MCOLN2: variants seen among roughly 807,000 people sequenced by gnomAD.
The protein encoded by MCOLN2 is mucolipin-2.
MCOLN2 carries 57 observed loss-of-function variants against 67.5 expected under a neutral mutation model. The observed-to-expected ratio is 0.84, with a 90% confidence interval of 0.68 to 1.05. The LOEUF is 1.05. MCOLN2 is among the 50% of genes least tolerant of loss of function. The probability of loss-of-function intolerance (pLI) is 0.00; values close to 1 mark genes in which losing one functional copy is unlikely to be tolerated. For missense variants in MCOLN2, 620 were observed against 678.8 expected, an observed-to-expected ratio of 0.91 and a Z score of 0.96; for synonymous variants, 246 against 233.3, an observed-to-expected ratio of 1.05 and a Z score of -0.50.
At chr1:84,944,698 G>A (rs569429683) in intron 7 of MCOLN2, among the ~76,000 whole-genome samples, 101 of 152,226 alleles carry the variant, frequency 6.6e-4, no homozygotes, top group African/African-American at 2.1e-3. Context: ...AGGGGACTTC[G>A]GAGTCACAAA....
At chr1:84,944,186 T>G (rs1208055999) in intron 7 of MCOLN2, among the ~76,000 whole-genome samples, 1 of 152,124 alleles carries the variant, frequency 6.6e-6, no homozygotes, top group African/African-American at 2.4e-5. Flanking sequence ...AGGATTCTGT[T>G]TTTCTTTGAA....
In MCOLN2 at chr1:84,958,539, G is replaced by C. The variant is rs139659539; in HGVS notation, c.401C>G (p.Ala134Gly). The change falls in exon 3 of 14, where the codon GCT (alanine) becomes GGT (glycine). Residue 134 changes from alanine to glycine, a missense_variant. Physicochemically the swap from Ala to Gly is moderately conservative, Grantham distance 60. Coordinates refer to ENST00000370608, the MANE Select transcript of MCOLN2 (RefSeq NM_153259.4). ...CAACAAAACACTTGCCTGATTAATA[G>C]CAAAAAAGATGCTCTCATAGGCATC... The part of the protein sequence containing the change: ...QEDAYESIFF[A>G]INQYHQLKDI... 5 of 1,601,118 alleles carry C rather than the reference G, an allele frequency of 3.1e-6. No individual in the cohort carries two copies. The African/African-American group carries it at 6.7e-5, about 22-fold the overall frequency.
Position 84,997,092 on chromosome 1 carries a change from C to G in MCOLN2, c.-220G>C, listed in dbSNP as rs1651199264. 5 of 570,286 alleles carry G rather than the reference C, an allele frequency of 8.8e-6. No individual in the cohort carries two copies. Among genetic ancestry groups the G allele is most frequent in the South Asian group, 8.5e-5 (4 of 47,028 alleles). 35.3% of individuals were successfully genotyped at this position (570,286 alleles called of 1,614,324 possible). ...TGGAGTGCGGCGGGCAGTTCTCGGG[C>G]GGCTGAAAGGCGGCTCTGTGTGCAC... On this transcript the variant is annotated 5_prime_UTR_variant, in exon 1 of 14. Coordinates refer to ENST00000370608, the MANE Select transcript of MCOLN2 (RefSeq NM_153259.4).
intron 11 of MCOLN2, among the ~76,000 whole-genome samples, chr1:84,936,573 G>A (rs532205547): frequency 5.3e-5 from 8 of 152,294 alleles, no homozygotes; most frequent in Admixed American, 3.9e-4. Flanking sequence ...GGAGTATGAA[G>A]AGCAATATTA....
At chr1:84,961,565 T>C (rs1190747475) in intron 2 of MCOLN2, among the ~76,000 whole-genome samples, 1 of 152,128 alleles carries the variant, frequency 6.6e-6, no homozygotes, top group Non-Finnish European at 1.5e-5. Context: ...GGCCCAGCAT[T>C]GGGGAAGGTT....
intron 13 of MCOLN2, among the ~76,000 whole-genome samples, 200 bp downstream of exon 13, chr1:84,929,358 C>T (rs1289136445): frequency 6.6e-6 from 1 of 152,178 alleles, no homozygotes. Context: ...CCAATCACAT[C>T]GTGTAGCTTT....
intron 2 of MCOLN2, among the ~76,000 whole-genome samples, 193 bp from the exon 3 acceptor site, chr1:84,958,895 T>A (rs901339650): frequency 6.6e-6 from 1 of 152,264 alleles, no homozygotes; most frequent in Admixed American, 6.5e-5. Flanking sequence ...ACATCAGCAA[T>A]TCAAAGTAGC....
chr1:84,995,799 A>AT (rs142983024), intron 1 of MCOLN2, among the ~76,000 whole-genome samples: 5 of 146,186 alleles, frequency 3.4e-5, no homozygotes, highest in South Asian at 2.2e-4. Flanking sequence ...CTATTACTCT[A>AT]TTTTTTTAAA....
intron 6 of MCOLN2, among the ~76,000 whole-genome samples, chr1:84,948,583 A>G (rs74555611): frequency 0.042 from 6,450 of 152,292 alleles, 477 homozygotes; most frequent in African/African-American, 0.15. Flanking sequence ...CAAGTAGCAG[A>G]CCCCAAAGAA....
chr1:84,929,406 A>T, intron 13 of MCOLN2, 152 bp downstream of exon 13: 1 of 869,922 alleles, frequency 1.1e-6, no homozygotes, highest in Non-Finnish European at 1.7e-6. Flanking sequence ...ATTCATTTCT[A>T]AAGCCAATTT....
chr1:84,932,034 A>G (rs572281445), intron 11 of MCOLN2, among the ~76,000 whole-genome samples: 1 of 151,360 alleles, frequency 6.6e-6, no homozygotes, highest in South Asian at 2.1e-4. Flanking sequence ...TTTAAAACAC[A>G]CACACACACA....
At chr1:84,986,709 A>T (rs1650525087) in intron 1 of MCOLN2, among the ~76,000 whole-genome samples, 1 of 152,092 alleles carries the variant, frequency 6.6e-6, no homozygotes, top group African/African-American at 2.4e-5. Flanking sequence ...TCCCATCAAA[A>T]CGTGGGCTAA....
At chr1:84,968,269 A>G (rs1350551193) in intron 1 of MCOLN2, among the ~76,000 whole-genome samples, 1 of 152,064 alleles carries the variant, frequency 6.6e-6, no homozygotes, top group Non-Finnish European at 1.5e-5. Context: ...AGGCTCATAA[A>G]CCTTTGAGCC....
chr1:84,955,876 A>G (rs1023461970), intron 4 of MCOLN2, among the ~76,000 whole-genome samples: 1 of 152,220 alleles, frequency 6.6e-6, no homozygotes, highest in Non-Finnish European at 1.5e-5. Context: ...TTATTTTAAA[A>G]AACAAAAAGT....
At chr1:84,955,840 C>A (rs1265899552) in intron 4 of MCOLN2, among the ~76,000 whole-genome samples, 4 of 151,982 alleles carry the variant, frequency 2.6e-5, no homozygotes, top group East Asian at 1.9e-4. Flanking sequence ...GTTGAGTGAA[C>A]AACAAAACAA....
At chr1:84,993,703 T>G (rs1293185425) in intron 1 of MCOLN2, among the ~76,000 whole-genome samples, 3 of 147,288 alleles carry the variant, frequency 2.0e-5, no homozygotes, top group African/African-American at 7.5e-5. Flanking sequence ...CAATCTCGGC[T>G]CACTGCAAGC....
intron 11 of MCOLN2, among the ~76,000 whole-genome samples, chr1:84,934,611 A>G (rs1647321978): frequency 6.6e-6 from 1 of 152,226 alleles, no homozygotes; most frequent in Admixed American, 6.5e-5. Flanking sequence ...GCATCAGTGA[A>G]GTCCAACAAC....
chr1:84,963,962 G>A (rs1010834028), intron 2 of MCOLN2, among the ~76,000 whole-genome samples: 2 of 152,182 alleles, frequency 1.3e-5, no homozygotes, highest in Non-Finnish European at 2.9e-5. Context: ...AGTTGGTTTA[G>A]CAAGAAAAGA....
At chr1:84,982,236 G>A (rs1005915333) in intron 1 of MCOLN2, among the ~76,000 whole-genome samples, 2 of 152,114 alleles carry the variant, frequency 1.3e-5, no homozygotes, top group Non-Finnish European at 2.9e-5. Flanking sequence ...TAAGATATTT[G>A]CTAATGACAC....
Sources: allele counts gnomAD v4.1 joint callset (sites outside exome capture counted in the v4.1 genomes callset), GRCh38; gene constraint gnomAD v4.1.1; transcripts MANE v1.5; gene names NCBI Gene and HGNC (gene_info 2026-07-23, HGNC 2026-07-21).